BNC2: variants seen among roughly 807,000 people sequenced by gnomAD.
BNC2 encodes basonuclin zinc finger protein 2, also known as zinc finger protein basonuclin-2.
Under a neutral mutation model 76.3 loss-of-function variants are expected in BNC2, and 20 were observed. The observed-to-expected ratio is 0.26, with a 90% CI of 0.18 to 0.38. BNC2 has a LOEUF of 0.38. Ranked by LOEUF, BNC2 falls within the 10% of genes least tolerant of loss-of-function variation. The probability of loss-of-function intolerance (pLI) is 1.00; values close to 1 mark genes in which losing one functional copy is unlikely to be tolerated. For missense variants in BNC2, 1,382 were observed against 1,399.8 expected (o/e 0.99, Z 0.20); for synonymous variants, 582 against 514.8 (o/e 1.13, Z -1.77).
intron 1 of BNC2, among the ~76,000 whole-genome samples, chr9:16,792,602 C>T (rs1012825847): frequency 5.3e-5 from 8 of 152,184 alleles, no homozygotes; most frequent in African/African-American, 1.7e-4. Context: ...AAGAATAGTT[C>T]AAATACATTC....
Position 16,413,679 on chromosome 9 carries a change from T to C in BNC2, c.*5310A>G, listed in dbSNP as rs1201142270. Reference sequence around the variant, plus strand: ...AATGACCATTTATGGTGAGCAACACTCCAGCTACAGGAAATATGCGACTCG... The same window carrying C: ...AATGACCATTTATGGTGAGCAACACCCCAGCTACAGGAAATATGCGACTCG... On this transcript the variant is annotated 3_prime_UTR_variant, in exon 7 of 7. Transcript: ENST00000380672. 6.6e-6 allele frequency: 1 copy of C among 152,126 alleles called. No individual in the cohort carries two copies. Among genetic ancestry groups the C allele is most frequent in the Non-Finnish European group, 1.5e-5 (1 of 68,020 alleles). 9.4% of individuals were successfully genotyped at this position (152,126 alleles called of 1,614,324 possible).
chr9:16,831,323 A>G (rs531464765), intron 1 of BNC2, among the ~76,000 whole-genome samples: 7 of 152,346 alleles, frequency 4.6e-5, no homozygotes, highest in African/African-American at 1.7e-4. Context: ...TAAAAGATGG[A>G]TGAGCTTCAA....
rs1281169866 is a variant in BNC2, at chr9:16,412,724, A to G, written c.*6265T>C. ...AGAGGGAAGGAGAGAGAGAGGGGAG[A>G]GAGAGAGAGAGAGAGAGAGAGAGAG... is the stretch of plus-strand genomic sequence containing the variant. On this transcript the variant is annotated 3_prime_UTR_variant, in exon 7 of 7. Transcript: ENST00000380672. The G allele has an allele frequency of 4.8e-5, 1 of 20,766 alleles. No homozygotes were observed. The highest frequency in any genetic ancestry group is 7.4e-5 in the Non-Finnish European group (1 of 13,584). The allele number at this position is 20,766 out of a possible 1,614,324, so 1.3% of individuals were successfully genotyped here. A position where few individuals can be genotyped will look rare whatever the true frequency, so the allele number is the denominator to read the frequency against.
At chr9:16,691,332 G>A (rs1014785812) in intron 3 of BNC2, among the ~76,000 whole-genome samples, 1 of 152,124 alleles carries the variant, frequency 6.6e-6, no homozygotes. Flanking sequence ...ATGGATAGAA[G>A]TGAAATTAAG....
At chr9:16,861,349 C>T (rs139922371) in intron 1 of BNC2, among the ~76,000 whole-genome samples, 1 of 151,634 alleles carries the variant, frequency 6.6e-6, no homozygotes, top group Non-Finnish European at 1.5e-5. Flanking sequence ...ACTAGAAAGA[C>T]CCTGTCTCTT....
intron 1 of BNC2, among the ~76,000 whole-genome samples, chr9:16,868,699 C>T (rs1046598782): frequency 3.3e-5 from 5 of 152,166 alleles, no homozygotes; most frequent in Non-Finnish European, 5.9e-5. Flanking sequence ...TAATACAGCG[C>T]ACTCTGGGAA....
rs765219742 is a variant in BNC2, at chr9:16,556,162, T to C, written c.434-3397A>G. On this transcript the variant is annotated intron_variant, in intron 4 of 6. Transcript: ENST00000380672. ...AAAAAAATAAAATATTAGGCAGGCA[T>C]ACCTGTAGTCCCAGCTACTTGGGAG... 3.0e-4 allele frequency among the ~76,000 whole-genome samples: 45 copies of C among 151,986 alleles called. 1 individual carries two copies. Among genetic ancestry groups the C allele is most frequent in the Non-Finnish European group, 1.8e-4 (12 of 67,976 alleles).
chr9:16,713,548 A>G (rs112874496), intron 3 of BNC2, among the ~76,000 whole-genome samples: 3 of 151,574 alleles, frequency 2.0e-5, no homozygotes, highest in Admixed American at 1.3e-4. Context: ...TTTGAAGCTC[A>G]TAATAAACTT....
At chr9:16,443,360 C>T (rs1821168524) in intron 5 of BNC2, among the ~76,000 whole-genome samples, 1 of 152,128 alleles carries the variant, frequency 6.6e-6, no homozygotes, top group Admixed American at 6.5e-5. Flanking sequence ...ATCATAACCA[C>T]ATTGGCAATT....
Position 16,414,462 on chromosome 9 carries a change from T to C in BNC2, c.*4527A>G, listed in dbSNP as rs766634723. On this transcript the variant is annotated 3_prime_UTR_variant, in exon 7 of 7. Coordinates refer to ENST00000380672, the MANE Select transcript of BNC2 (RefSeq NM_017637.6). The stretch of plus-strand genomic sequence containing the variant: ...GAAAAGCAAAACCACCTAATTTAAA[T>C]ACTTCAAGTTTGGGAGAAGATAAGT... 2.6e-5 allele frequency: 4 copies of C among 152,180 alleles called. No homozygotes were observed. The highest frequency in any genetic ancestry group is 5.9e-5 in the Non-Finnish European group (4 of 68,042). 9.4% of individuals were successfully genotyped at this position (152,180 alleles called of 1,614,324 possible). A position where few individuals can be genotyped will look rare whatever the true frequency, so the allele number is the denominator to read the frequency against.
At chr9:16,490,862 G>A (rs1822264313) in intron 5 of BNC2, among the ~76,000 whole-genome samples, 1 of 152,176 alleles carries the variant, frequency 6.6e-6, no homozygotes, top group Admixed American at 6.5e-5. Context: ...GTCAGAATGA[G>A]CAGTCCCTAA....
intron 4 of BNC2, among the ~76,000 whole-genome samples, chr9:16,561,944 G>A (rs921451252): frequency 6.6e-6 from 1 of 152,144 alleles, no homozygotes; most frequent in African/African-American, 2.4e-5. Context: ...GGTCGAAGCT[G>A]CAGTGAGCCG....
intron 3 of BNC2, among the ~76,000 whole-genome samples, chr9:16,649,079 G>A (rs1437155445): frequency 6.6e-6 from 1 of 152,154 alleles, no homozygotes; most frequent in East Asian, 1.9e-4. Context: ...ATCATCCCAT[G>A]CTTTGTACAC....
intron 1 of BNC2, among the ~76,000 whole-genome samples, chr9:16,794,807 T>G (rs1006388271): frequency 1.3e-5 from 2 of 152,144 alleles, no homozygotes; most frequent in African/African-American, 4.8e-5. Flanking sequence ...GATTTGTTTT[T>G]CAAAAAATTA....
At chr9:16,572,957 G>A (rs917692524) in intron 4 of BNC2, among the ~76,000 whole-genome samples, 11 of 152,164 alleles carry the variant, frequency 7.2e-5, no homozygotes, top group African/African-American at 2.2e-4. Context: ...GGCCGGGCAC[G>A]GAGGCTCACA....
chr9:16,553,237 C>T (rs755481088), intron 4 of BNC2, among the ~76,000 whole-genome samples: 2 of 152,102 alleles, frequency 1.3e-5, no homozygotes, highest in Non-Finnish European at 2.9e-5. Context: ...CCTTATAATA[C>T]CTGAATGGTT....
intron 4 of BNC2, among the ~76,000 whole-genome samples, chr9:16,574,412 ATTTAT>A (rs1194705705): frequency 2.6e-5 from 4 of 152,186 alleles, no homozygotes; most frequent in East Asian, 3.9e-4. Flanking sequence ...TATTACTATA[ATTTAT>A]TTTAACTGGC....
chr9:16,438,320 T>C (rs1428006469), intron 5 of BNC2, among the ~76,000 whole-genome samples: 2 of 152,190 alleles, frequency 1.3e-5, no homozygotes, highest in African/African-American at 2.4e-5. Flanking sequence ...AAAGTAAACA[T>C]GTGATGGATT....
At chr9:16,742,681 T>C (rs1367340496) in intron 1 of BNC2, among the ~76,000 whole-genome samples, 1 of 152,202 alleles carries the variant, frequency 6.6e-6, no homozygotes, top group Non-Finnish European at 1.5e-5. Flanking sequence ...AGCTTCGTGG[T>C]CTCCTGTTGT....
Sources: allele counts gnomAD v4.1 joint callset (sites outside exome capture counted in the v4.1 genomes callset), GRCh38; gene constraint gnomAD v4.1.1; transcripts MANE v1.5; gene names NCBI Gene and HGNC (gene_info 2026-07-23, HGNC 2026-07-21).